The following SLC25A28 variants were observed in gnomAD, a reference collection of about 807,000 sequenced individuals.
SLC25A28 encodes mitoferrin-2.
In SLC25A28, 10 loss-of-function variants were observed where a neutral mutation model predicts 31.9. The observed-to-expected ratio is 0.31, with a 90% CI of 0.19 to 0.53. SLC25A28 has a LOEUF of 0.53. SLC25A28 is among the 20% of genes least tolerant of loss of function. The pLI, the probability that SLC25A28 is intolerant of heterozygous loss-of-function variation, is 0.95. For missense variants in SLC25A28, 256 were observed against 490.3 expected, an observed-to-expected ratio of 0.52 and a Z score of 4.51; for synonymous variants, 208 against 203.6, an observed-to-expected ratio of 1.02 and a Z score of -0.19.
the SLC25A28 span, among the ~76,000 whole-genome samples, chr10:99,638,100 C>G: frequency 6.6e-6 from 1 of 151,984 alleles, no homozygotes; most frequent in Non-Finnish European, 1.5e-5. Flanking sequence ...GAATGGCATA[C>G]AGAGCAATGG....
Position 99,613,458 on chromosome 10 carries a change from T to C in SLC25A28, c.520+238A>G. On this transcript the variant is annotated intron_variant, in intron 2 of 3. Transcript: ENST00000370495. The surrounding 1 kb of genome is among the most constrained non-coding windows in gnomAD (Gnocchi z 4.9). ...ATGCCAGGGAGATGAGAGGAACAAG[T>C]CAAGCTGGTAGGTAAGGGAGGATAC... 2.2e-6 allele frequency: 3 copies of C among 1,392,540 alleles called. No individual in the cohort carries two copies. Among genetic ancestry groups the C allele is most frequent in the Non-Finnish European group, 1.9e-6 (2 of 1,073,676 alleles). 86.3% of individuals were successfully genotyped at this position (1,392,540 alleles called of 1,614,324 possible). A position where few individuals can be genotyped will look rare whatever the true frequency, so the allele number is the denominator to read the frequency against.
At chr10:99,618,103 G>C (rs535059109) in intron 1 of SLC25A28, 1 of 276,092 alleles carries the variant, frequency 3.6e-6, no homozygotes, top group Non-Finnish European at 5.5e-6. Flanking sequence ...AATAGTCTTT[G>C]TTCTTGCAAA....
the SLC25A28 span, among the ~76,000 whole-genome samples, chr10:99,650,400 G>C: frequency 2.6e-5 from 4 of 152,114 alleles, no homozygotes; most frequent in African/African-American, 9.7e-5. Context: ...GGCTGGTTTT[G>C]AACTCTCACA....
the SLC25A28 span, among the ~76,000 whole-genome samples, chr10:99,636,205 A>G: frequency 6.6e-6 from 1 of 152,222 alleles, no homozygotes; most frequent in South Asian, 2.1e-4. Flanking sequence ...TTTCTGTAAG[A>G]TAGACCATAT....
chr10:99,656,498 T>C, the SLC25A28 span, among the ~76,000 whole-genome samples: 10 of 152,264 alleles, frequency 6.6e-5, no homozygotes, highest in Admixed American at 6.5e-4. Flanking sequence ...AATGAGTTTA[T>C]TTGGGACAAT....
chr10:99,619,957 C>G, intron 1 of SLC25A28, 88 bp downstream of exon 1: 1 of 1,360,256 alleles, frequency 7.4e-7, no homozygotes, highest in Non-Finnish European at 9.6e-7. Flanking sequence ...CATGTCGGCT[C>G]CGGCTCTCAG....
chr10:99,648,223 C>T, the SLC25A28 span, among the ~76,000 whole-genome samples: 1 of 151,496 alleles, frequency 6.6e-6, no homozygotes, highest in Non-Finnish European at 1.5e-5. Context: ...TGGTCTCCAA[C>T]TTCTGGCCTC....
At chr10:99,650,855 C>T in the SLC25A28 span, among the ~76,000 whole-genome samples, 1 of 152,268 alleles carries the variant, frequency 6.6e-6, no homozygotes, top group South Asian at 2.1e-4. Context: ...GTCTGTAGAT[C>T]CCCGGTATCT....
chr10:99,616,402 G>T, intron 1 of SLC25A28: 1 of 911,220 alleles, frequency 1.1e-6, no homozygotes, highest in Non-Finnish European at 1.3e-6. Context: ...AAAAGCCATT[G>T]GTAATTTATA....
the SLC25A28 span, among the ~76,000 whole-genome samples, chr10:99,642,548 A>T: frequency 6.6e-6 from 1 of 152,082 alleles, no homozygotes; most frequent in Non-Finnish European, 1.5e-5. Flanking sequence ...TCCTAATTGA[A>T]TACCCTTTAT....
the SLC25A28 span, among the ~76,000 whole-genome samples, chr10:99,640,706 C>A: frequency 6.8e-6 from 1 of 146,420 alleles, no homozygotes; most frequent in African/African-American, 2.5e-5. Flanking sequence ...TTAATGCTAT[C>A]CCTCCCCGCT....
chr10:99,650,290 G>T, the SLC25A28 span, among the ~76,000 whole-genome samples: 5 of 152,192 alleles, frequency 3.3e-5, no homozygotes, highest in African/African-American at 1.2e-4. Flanking sequence ...CAATCCTTCT[G>T]CTTCAGCCTC....
At chr10:99,620,600 T>G, upstream of SLC25A28, 1 of 1,005,388 alleles carries the variant, frequency 9.9e-7, no homozygotes, top group South Asian at 4.7e-5. Flanking sequence ...TGCTAGCGCC[T>G]ACATCCCACC....
At chr10:99,649,310 C>A in the SLC25A28 span, among the ~76,000 whole-genome samples, 1 of 152,152 alleles carries the variant, frequency 6.6e-6, no homozygotes, top group Non-Finnish European at 1.5e-5. Flanking sequence ...CCTACCTGAT[C>A]ATGGTGTATT....
At chr10:99,628,564 C>A in the SLC25A28 span, among the ~76,000 whole-genome samples, 1 of 152,222 alleles carries the variant, frequency 6.6e-6, no homozygotes, top group African/African-American at 2.4e-5. Flanking sequence ...GTGGCTCACG[C>A]CTACAATCCC....
Position 99,620,157 on chromosome 10 carries a change from CCGGAGTCCGGAT to C in SLC25A28, c.167_178del (p.Asp56_Ser59del), listed in dbSNP as rs1169628959. 6.4e-7 allele frequency: 1 copy of C among 1,565,624 alleles called. No homozygotes were observed. Among genetic ancestry groups the C allele is most frequent in the Non-Finnish European group, 8.6e-7 (1 of 1,164,014 alleles). On this transcript the variant is annotated inframe_deletion, in exon 1 of 4. Transcript: ENST00000370495. Reference sequence around the variant, plus strand: ...AGCCGGCAGCGCCTCGTAGTCCGGGCCGGAGTCCGGATCTTGTCGTACCGGGGGCCTGCAGGC... The same window carrying C: ...AGCCGGCAGCGCCTCGTAGTCCGGGCCTTGTCGTACCGGGGGCCTGCAGGC...
At chr10:99,636,181 A>G in the SLC25A28 span, among the ~76,000 whole-genome samples, 1 of 152,350 alleles carries the variant, frequency 6.6e-6, no homozygotes, top group Non-Finnish European at 1.5e-5. Flanking sequence ...ATTCTATTCA[A>G]CAGCACATGG....
chr10:99,649,874 T>C, the SLC25A28 span, among the ~76,000 whole-genome samples: 1 of 152,170 alleles, frequency 6.6e-6, no homozygotes, highest in African/African-American at 2.4e-5. Flanking sequence ...GCTTATCAAT[T>C]TTGCTTACAT....
At chr10:99,653,849 C>G in the SLC25A28 span, 1 of 152,214 alleles carries the variant, frequency 6.6e-6, no homozygotes, top group African/African-American at 2.4e-5. Context: ...AACAGATATT[C>G]TGTCTTCCTA....
Sources: allele counts gnomAD v4.1 joint callset (sites outside exome capture counted in the v4.1 genomes callset), GRCh38; gene constraint gnomAD v4.1.1; non-coding constraint Gnocchi (gnomAD v3.1); transcripts MANE v1.5; gene names NCBI Gene and HGNC (gene_info 2026-07-23, HGNC 2026-07-21).